The following PRMT9 variants were observed in gnomAD, a reference collection of about 807,000 sequenced individuals.
PRMT9 encodes the protein protein arginine methyltransferase 9, also known as protein arginine N-methyltransferase 9.
A neutral mutation model predicts 83.2 loss-of-function variants in PRMT9; 59 were observed. That is an observed-to-expected ratio of 0.71 (90% CI 0.57 to 0.88). The LOEUF (loss-of-function observed/expected upper bound fraction) is 0.88. Ranked by LOEUF, PRMT9 falls within the 40% of genes least tolerant of loss-of-function variation. The pLI, the probability that PRMT9 is intolerant of heterozygous loss-of-function variation, is 0.00. For missense variants in PRMT9, 947 were observed against 1,021.9 expected (o/e 0.93, Z 1.00); for synonymous variants, 333 against 353.2 (o/e 0.94, Z 0.64).
chr4:147,640,961 C>CT (rs1486782282), intron 10 of PRMT9, among the ~76,000 whole-genome samples: 2 of 152,170 alleles, frequency 1.3e-5, no homozygotes, highest in African/African-American at 4.8e-5. Flanking sequence ...AATCCTCCCA[C>CT]TTTGGCCTCC....
At chr4:147,660,377 T>C (rs986718931) in intron 7 of PRMT9, among the ~76,000 whole-genome samples, 2 of 152,154 alleles carry the variant, frequency 1.3e-5, no homozygotes, top group Non-Finnish European at 2.9e-5. Context: ...ATGCCTGTAA[T>C]CCTAACACTT....
intron 8 of PRMT9, among the ~76,000 whole-genome samples, chr4:147,656,527 C>A (rs2126599485): frequency 6.6e-6 from 1 of 152,104 alleles, no homozygotes; most frequent in South Asian, 2.1e-4. Context: ...AATGCCAGCA[C>A]TTTGGGAGGC....
chr4:147,663,090 G>T (rs1361289688), intron 6 of PRMT9, among the ~76,000 whole-genome samples: 2 of 147,948 alleles, frequency 1.4e-5, no homozygotes, highest in Non-Finnish European at 3.0e-5. Flanking sequence ...CTCACTGCAA[G>T]CTCAGCCTCC....
chr4:147,642,001 C>G (rs1463444369), intron 10 of PRMT9, among the ~76,000 whole-genome samples: 1 of 152,068 alleles, frequency 6.6e-6, no homozygotes, highest in Non-Finnish European at 1.5e-5. Flanking sequence ...TAAACAGAGG[C>G]TAACCCCCTT....
At chr4:147,665,124 CAAAAAAAAAAA>C (rs370245859) in intron 6 of PRMT9, among the ~76,000 whole-genome samples, 1 of 116,670 alleles carries the variant, frequency 8.6e-6, no homozygotes, top group Non-Finnish European at 1.7e-5. Context: ...TCTGTCTAAA[CAAAAAAAAAAA>C]AAAAAAAAGA....
intron 6 of PRMT9, among the ~76,000 whole-genome samples, chr4:147,666,441 C>A (rs1029780998): frequency 1.3e-5 from 2 of 152,058 alleles, no homozygotes; most frequent in African/African-American, 4.8e-5. Flanking sequence ...TGAAGCACAC[C>A]ATTTCCATTT....
At chr4:147,652,204 T>C (rs1347645642) in intron 9 of PRMT9, among the ~76,000 whole-genome samples, 2 of 152,040 alleles carry the variant, frequency 1.3e-5, no homozygotes, top group African/African-American at 4.8e-5. Flanking sequence ...CTAATTTAAT[T>C]AATTTAAAAA....
At chr4:147,655,821 G>A (rs1185818819) in intron 8 of PRMT9, among the ~76,000 whole-genome samples, 1 of 152,174 alleles carries the variant, frequency 6.6e-6, no homozygotes, top group African/African-American at 2.4e-5. Flanking sequence ...AAGCCACTAA[G>A]CCCAGCCATA....
At chr4:147,655,305 G>A (rs1734408950) in intron 8 of PRMT9, among the ~76,000 whole-genome samples, 1 of 152,028 alleles carries the variant, frequency 6.6e-6, no homozygotes, top group Non-Finnish European at 1.5e-5. Flanking sequence ...TGAGACTACG[G>A]ATACATGCCA....
intron 8 of PRMT9, 24 bp downstream of exon 8, chr4:147,657,768 A>T: frequency 3.9e-6 from 6 of 1,534,066 alleles, no homozygotes; most frequent in Non-Finnish European, 5.4e-6. Context: ...CAAGAGGTTA[A>T]AAAAAAAAAT....
rs183935163 is a variant in PRMT9 at position 147,668,702 on chromosome 4, A to G, written c.847-57T>C. On this transcript the variant is annotated intron_variant, in intron 5 of 11. Coordinates refer to ENST00000322396, the MANE Select transcript of PRMT9 (RefSeq NM_138364.4). ...CACATGTATGTAAAAATGTGTGTGC[A>G]TAATGATAAGCTATGAAAATATAAT... 130 of 957,392 alleles carry G rather than the reference A, an allele frequency of 1.4e-4. No individual in the cohort carries two copies. In the African/African-American group the frequency reaches 1.5e-3, roughly 11 times the overall value. 59.3% of individuals were successfully genotyped at this position (957,392 alleles called of 1,614,324 possible). A position where few individuals can be genotyped will look rare whatever the true frequency, so the allele number is the denominator to read the frequency against.
chr4:147,658,834 C>T (rs910068658), intron 7 of PRMT9, among the ~76,000 whole-genome samples: 1 of 152,030 alleles, frequency 6.6e-6, no homozygotes, highest in African/African-American at 2.4e-5. Context: ...CATGGTGGCT[C>T]ACGCCTGTAA....
chr4:147,650,636 C>G (rs952946792), intron 9 of PRMT9, among the ~76,000 whole-genome samples: 1 of 152,112 alleles, frequency 6.6e-6, no homozygotes, highest in Non-Finnish European at 1.5e-5. Flanking sequence ...GAAAAATTTA[C>G]CCTAAAATTT....
chr4:147,683,738 T>TCTA, intron 1 of PRMT9, 61 bp downstream of exon 1: 6 of 1,282,246 alleles, frequency 4.7e-6, no homozygotes, highest in East Asian at 2.5e-5. Flanking sequence ...TTTTTCTGTT[T>TCTA]TTTTTTTTTT....
chr4:147,649,395 C>T (rs1396664506), intron 9 of PRMT9, among the ~76,000 whole-genome samples: 1 of 152,150 alleles, frequency 6.6e-6, no homozygotes, highest in African/African-American at 2.4e-5. Flanking sequence ...AGGAGACACT[C>T]AAACCATAGC....
chr4:147,651,364 C>T (rs1019991060), intron 9 of PRMT9, among the ~76,000 whole-genome samples: 2 of 151,894 alleles, frequency 1.3e-5, no homozygotes, highest in Non-Finnish European at 2.9e-5. Flanking sequence ...TGTTTTGCAA[C>T]CAAAGCAAAA....
chr4:147,654,362 T>G lies in PRMT9; in HGVS notation c.1535A>C (p.Asp512Ala). 6.2e-7 allele frequency: 1 copy of G among 1,614,204 alleles called. No homozygotes were observed. Among genetic ancestry groups the G allele is most frequent in the Non-Finnish European group, 8.5e-7 (1 of 1,180,010 alleles). ...ALANLQTSKP[D>A]AVEQTCILES... The stretch of plus-strand genomic sequence containing the variant: ...CAATATACATGTCTGCTCTACAGCA[T>G]CTGGTTTACTGGTCTGAAGGTTAGC... The change falls in exon 9 of 12, where the codon GAT becomes GCT. Residue 512 changes from aspartate (D) to alanine (A), a missense_variant. Coordinates refer to ENST00000322396, the MANE Select transcript of PRMT9 (RefSeq NM_138364.4).
At position 147,684,115 on chromosome 4, in the gene PRMT9, G is replaced by A. The variant is rs1315450493; in HGVS notation, c.-128C>T. On this transcript the variant is annotated 5_prime_UTR_variant, in exon 1 of 12. Coordinates refer to ENST00000322396, the MANE Select transcript of PRMT9 (RefSeq NM_138364.4). ...CAGCACAGCAAAGTTACCCTCCGCC[G>A]CGGGTGAACTCGCCAACCCCAGCCC... is the stretch of plus-strand genomic sequence containing the variant. 3.6e-6 allele frequency: 4 copies of A among 1,123,800 alleles called. No homozygotes were observed. The highest frequency in any genetic ancestry group is 3.1e-5 in the African/African-American group (2 of 65,086). 69.6% of individuals were successfully genotyped at this position (1,123,800 alleles called of 1,614,324 possible).
intron 6 of PRMT9, among the ~76,000 whole-genome samples, chr4:147,663,801 C>T (rs1735139715): frequency 6.6e-6 from 1 of 152,148 alleles, no homozygotes; most frequent in African/African-American, 2.4e-5. Context: ...GTGTATCCTT[C>T]CATACCTTTT....
Sources: allele counts gnomAD v4.1 joint callset (sites outside exome capture counted in the v4.1 genomes callset), GRCh38; gene constraint gnomAD v4.1.1; transcripts MANE v1.5; gene names NCBI Gene and HGNC (gene_info 2026-07-23, HGNC 2026-07-21).